The following ANKS3 variants were observed in gnomAD, a reference collection of about 807,000 sequenced individuals.
ANKS3 encodes the protein ankyrin repeat and SAM domain-containing protein 3.
Under a neutral mutation model 80.7 loss-of-function variants are expected in ANKS3, and 62 were observed. The observed-to-expected ratio is 0.77, with a 90% CI of 0.63 to 0.95. ANKS3 has a LOEUF of 0.95. Ranked by LOEUF, ANKS3 falls within the 40% of genes least tolerant of loss-of-function variation. ANKS3 has a pLI of 0.00. For synonymous variants in ANKS3, 489 were observed against 355.3 expected (o/e 1.38, Z -4.23); for missense variants, 1,150 against 883.6 (o/e 1.30, Z -3.82).
At chr16:4,699,306 G>C (rs574101225) in intron 11 of ANKS3, 130 bp from the exon 12 acceptor site, 3 of 1,300,396 alleles carry the variant, frequency 2.3e-6, no homozygotes, top group Non-Finnish European at 2.1e-6. Context: ...TGGCGCCCAG[G>C]CTGTCCCCTC....
Position 4,714,070 on chromosome 16 carries a change from C to A in ANKS3, c.690G>T (p.Lys230Asn). The change falls in exon 7 of 18, where the codon AAG (lysine) becomes AAT (asparagine). Residue 230 changes from lysine (K) to asparagine (N), a missense_variant. Lys to Asn is a moderately conservative substitution (Grantham distance 94). Transcript: ENST00000304283. ...GGGTACCTGGGCTCCGATAGAGGCTCTTGGGCAGAGAGGGCGAGTAAGTGT... is the reference window on the plus strand; with the variant it reads ...GGGTACCTGGGCTCCGATAGAGGCTATTGGGCAGAGAGGGCGAGTAAGTGT... ...LMDTYSPSLP[K>N]SLYRSPEKYE... 6.2e-7 allele frequency: 1 copy of A among 1,614,178 alleles called. No homozygotes were observed. Among genetic ancestry groups the A allele is most frequent in the Non-Finnish European group, 8.5e-7 (1 of 1,180,030 alleles).
In ANKS3 at chr16:4,724,738, A is replaced by C. The variant is rs2081271158; in HGVS notation, c.573+12T>G. ...GTGACTACATTACATGCTAATAATC[A>C]GGGTCACTTACGTGATTCAGAAAAT... On this transcript the variant is annotated intron_variant, in intron 6 of 17. Transcript: ENST00000304283. The C allele has an allele frequency of 4.3e-6, 7 of 1,610,840 alleles. No homozygotes were observed. The African/African-American group carries it at 5.3e-5, about 12-fold the overall frequency.
Position 4,724,736 on chromosome 16 carries a change from T to A in ANKS3, c.573+14A>T, listed in dbSNP as rs2142143214. ...CCGTGACTACATTACATGCTAATAA[T>A]CAGGGTCACTTACGTGATTCAGAAA... On this transcript the variant is annotated intron_variant, in intron 6 of 17. Transcript: ENST00000304283. 1 of 1,611,148 alleles carries A rather than the reference T, an allele frequency of 6.2e-7. No individual in the cohort carries two copies. The highest frequency in any genetic ancestry group is 8.5e-7 in the Non-Finnish European group (1 of 1,177,906).
intron 7 of ANKS3, among the ~76,000 whole-genome samples, chr16:4,711,098 A>AT (rs35899381): frequency 0.015 from 1,520 of 104,474 alleles, 35 homozygotes; most frequent in African/African-American, 0.028. Flanking sequence ...CTGAAACAGA[A>AT]TTTTTTTTTT....
chr16:4,733,441 G>C (rs1396886173), intron 1 of ANKS3, among the ~76,000 whole-genome samples: 2 of 151,842 alleles, frequency 1.3e-5, no homozygotes, highest in East Asian at 1.9e-4. Context: ...ACAGGTATGA[G>C]CCACCATGCC....
chr16:4,721,102 G>C (rs865957819), intron 6 of ANKS3, among the ~76,000 whole-genome samples: 1 of 148,876 alleles, frequency 6.7e-6, no homozygotes, highest in Non-Finnish European at 1.5e-5. Flanking sequence ...TCAGGAGATC[G>C]AGACCATCCT....
intron 8 of ANKS3, among the ~76,000 whole-genome samples, chr16:4,702,650 G>A (rs1364796531): frequency 6.6e-6 from 1 of 152,156 alleles, no homozygotes; most frequent in Non-Finnish European, 1.5e-5. Context: ...TTAACCACAG[G>A]CGCTTAGCGG....
chr16:4,714,434 A>C (rs1596397986), intron 6 of ANKS3: 3 of 537,328 alleles, frequency 5.6e-6, no homozygotes, highest in Non-Finnish European at 9.7e-6. Flanking sequence ...CACGCTCATG[A>C]CCTCCCTTGC....
chr16:4,726,948 G>A (rs763587622), intron 4 of ANKS3, 31 bp downstream of exon 4: 5 of 1,613,202 alleles, frequency 3.1e-6, no homozygotes, highest in Middle Eastern at 3.3e-4. Flanking sequence ...AGCCCCTCAG[G>A]TTTCTGGGCC....
chr16:4,701,475 C>A lies in ANKS3; in HGVS notation c.1078G>T (p.Ala360Ser). 1 of 1,611,348 alleles carries A rather than the reference C, an allele frequency of 6.2e-7. No individual in the cohort carries two copies. Among genetic ancestry groups the A allele is most frequent in the Non-Finnish European group, 8.5e-7 (1 of 1,178,410 alleles). The change falls in exon 10 of 18, where the codon GCC (alanine) becomes TCC (serine). Residue 360 changes from alanine (A) to serine (S), a missense_variant. By Grantham distance (99) the Ala-to-Ser change is moderately conservative. Coordinates refer to ENST00000304283, the MANE Select transcript of ANKS3 (RefSeq NM_133450.4). The stretch of plus-strand genomic sequence containing the variant: ...GAAGCTTCGCTGCTGAGCCCCTGGG[C>A]TCTGGCCAGGCCCTCGCTGCTGCTG... Reference protein sequence around the residue: ...SSSSSEGLARAQGLSSEASVE... With the variant: ...SSSSSEGLARSQGLSSEASVE...
chr16:4,727,436 CA>C, intron 3 of ANKS3: 1 of 552,402 alleles, frequency 1.8e-6, no homozygotes, highest in South Asian at 2.1e-5. Context: ...TATGCTCTTT[CA>C]CACCACCAGA....
intron 7 of ANKS3, among the ~76,000 whole-genome samples, chr16:4,712,777 G>C (rs1277543292): frequency 6.6e-6 from 1 of 152,106 alleles, no homozygotes; most frequent in African/African-American, 2.4e-5. Flanking sequence ...CCACTATGTT[G>C]AACAATGAGC....
At chr16:4,703,554 G>C (rs58391047) in intron 8 of ANKS3, among the ~76,000 whole-genome samples, 1,566 of 152,004 alleles carry the variant, frequency 0.01, 23 homozygotes, top group African/African-American at 0.037. Context: ...CCGAGTAGCT[G>C]GGATTATAGG....
At chr16:4,733,368 T>G (rs1374930282) in intron 1 of ANKS3, among the ~76,000 whole-genome samples, 1 of 152,010 alleles carries the variant, frequency 6.6e-6, no homozygotes, top group East Asian at 1.9e-4. Context: ...CTCGGCTCAA[T>G]GCAACCTCCG....
At chr16:4,718,581 G>A (rs1391632565) in intron 6 of ANKS3, among the ~76,000 whole-genome samples, 1 of 152,232 alleles carries the variant, frequency 6.6e-6, no homozygotes. Flanking sequence ...GCTCTGGAGG[G>A]ACAGGCTGGG....
intron 11 of ANKS3, chr16:4,700,763 G>A (rs567575235): frequency 3.3e-5 from 26 of 781,336 alleles, no homozygotes; most frequent in African/African-American, 8.4e-5. Flanking sequence ...GGTCCTTTCC[G>A]TGGAGAGGAA....
intron 1 of ANKS3, among the ~76,000 whole-genome samples, chr16:4,732,299 C>T (rs1213777978): frequency 6.6e-6 from 1 of 152,154 alleles, no homozygotes; most frequent in Non-Finnish European, 1.5e-5. Context: ...AGGGTCAGTT[C>T]AGAGTCCCTT....
intron 2 of ANKS3, 107 bp from the exon 3 acceptor site, chr16:4,730,258 C>G: frequency 8.8e-7 from 1 of 1,139,590 alleles, no homozygotes; most frequent in Non-Finnish European, 1.2e-6. Flanking sequence ...GACTGATAAC[C>G]CAGTGCAGTC....
At chr16:4,730,776 GA>G (rs1214548945) in intron 2 of ANKS3, among the ~76,000 whole-genome samples, 2 of 152,000 alleles carry the variant, frequency 1.3e-5, no homozygotes, top group Non-Finnish European at 2.9e-5. Context: ...CACTTGAACT[GA>G]GGAGGCGGAG....
Sources: allele counts gnomAD v4.1 joint callset (sites outside exome capture counted in the v4.1 genomes callset), GRCh38; gene constraint gnomAD v4.1.1; transcripts MANE v1.5; gene names NCBI Gene and HGNC (gene_info 2026-07-23, HGNC 2026-07-21).